WWOX: variants seen among roughly 807,000 people sequenced by gnomAD.
WWOX encodes WW domain-containing oxidoreductase.
In WWOX, 69 loss-of-function variants were observed where a neutral mutation model predicts 46.2. The ratio of observed to expected loss-of-function variants is 1.49; its 90% CI spans 1.23 to 1.82. The LOEUF is 1.82. Among genes scored for constraint, WWOX ranks in the 40% most tolerant of loss-of-function variants. The pLI is 0.00. For synonymous variants in WWOX, 359 were observed against 202.6 expected (o/e 1.77, Z -6.56); for missense variants, 919 against 542.6 (o/e 1.69, Z -6.89).
intron 8 of WWOX, among the ~76,000 whole-genome samples, chr16:79,010,037 A>G (rs922478368): frequency 2.0e-5 from 3 of 152,204 alleles, no homozygotes; most frequent in African/African-American, 7.2e-5. Context: ...GAGTATGCCT[A>G]GAATTGAGCA....
rs2079377851 is a variant in WWOX, at chr16:78,266,893, T to A, written c.516+102604T>A. ...CTGTGTCCCCATCCAAATCTCAACTTGAATTGCATCTCCCAGAATTCCCAT... is the reference window on the plus strand; with the variant it reads ...CTGTGTCCCCATCCAAATCTCAACTAGAATTGCATCTCCCAGAATTCCCAT... On this transcript the variant is annotated intron_variant, in intron 5 of 8. Coordinates refer to ENST00000566780, the MANE Select transcript of WWOX (RefSeq NM_016373.4). 3.3e-5 allele frequency among the ~76,000 whole-genome samples: 5 copies of A among 150,146 alleles called. No homozygotes were observed. In the South Asian group the frequency reaches 1.1e-3, roughly 33 times the overall value.
chr16:79,073,677 C>T (rs1023008079), intron 8 of WWOX, among the ~76,000 whole-genome samples: 3 of 152,120 alleles, frequency 2.0e-5, no homozygotes, highest in African/African-American at 7.2e-5. Context: ...GACTATATTT[C>T]CCTGCTTGCC....
At chr16:78,211,818 G>A (rs2036568953) in intron 5 of WWOX, among the ~76,000 whole-genome samples, 1 of 152,194 alleles carries the variant, frequency 6.6e-6, no homozygotes, top group African/African-American at 2.4e-5. Context: ...TGCATGAAGG[G>A]AGGAAGGTTG....
At chr16:79,017,153 G>T (rs1157077593) in intron 8 of WWOX, 1 of 152,112 alleles carries the variant, frequency 6.6e-6, no homozygotes, top group Non-Finnish European at 1.5e-5. Context: ...GTAGGCTGCC[G>T]GGCGCAGTGG....
intron 4 of WWOX, among the ~76,000 whole-genome samples, chr16:78,153,890 C>T (rs1202463490): frequency 6.6e-6 from 1 of 152,104 alleles, no homozygotes; most frequent in African/African-American, 2.4e-5. Flanking sequence ...AAAGAAGCTG[C>T]CTTTTTCTTA....
intron 8 of WWOX, among the ~76,000 whole-genome samples, chr16:79,192,150 T>C (rs1371170895): frequency 6.6e-6 from 1 of 152,228 alleles, no homozygotes; most frequent in African/African-American, 2.4e-5. Context: ...GGAGCTCTGC[T>C]CTCAGGACCA....
At position 78,758,025 on chromosome 16, in the gene WWOX, A is replaced by G. The variant is rs369102701; in HGVS notation, c.1056+325273A>G. 4.6e-5 allele frequency among the ~76,000 whole-genome samples: 7 copies of G among 152,218 alleles called. No homozygotes were observed. In the East Asian group the frequency reaches 9.7e-4, roughly 21 times the overall value. On this transcript the variant is annotated intron_variant, in intron 8 of 8. Coordinates refer to ENST00000566780, the MANE Select transcript of WWOX (RefSeq NM_016373.4). ...GATGCTCTTTTTCAAACTTCTGTCA[A>G]TCTTTCCCCACCTTCACAATGTGCC...
At chr16:78,977,621 T>G (rs116241733) in intron 8 of WWOX, among the ~76,000 whole-genome samples, 1 of 152,140 alleles carries the variant, frequency 6.6e-6, no homozygotes, top group South Asian at 2.1e-4. Context: ...GGAGAGGAGA[T>G]AGAAGAAGGA....
intron 8 of WWOX, among the ~76,000 whole-genome samples, chr16:79,041,634 G>A (rs1479689562): frequency 6.6e-6 from 1 of 152,132 alleles, no homozygotes; most frequent in Non-Finnish European, 1.5e-5. Flanking sequence ...GGGGTCAGTA[G>A]CAGGCCACCA....
At chr16:79,182,540 G>A (rs1038035148) in intron 8 of WWOX, among the ~76,000 whole-genome samples, 2 of 151,970 alleles carry the variant, frequency 1.3e-5, no homozygotes, top group African/African-American at 4.8e-5. Flanking sequence ...TAATTAGCGG[G>A]GCCTGTTATA....
intron 2 of WWOX, 61 bp from the exon 3 acceptor site, chr16:78,109,717 G>T: frequency 6.3e-7 from 1 of 1,592,448 alleles, no homozygotes; most frequent in Non-Finnish European, 8.6e-7. Flanking sequence ...TTCCCTTCCT[G>T]ACCCAGGGAT....
At chr16:78,471,643 T>C (rs921929140) in intron 8 of WWOX, among the ~76,000 whole-genome samples, 3 of 152,208 alleles carry the variant, frequency 2.0e-5, no homozygotes, top group Non-Finnish European at 4.4e-5. Context: ...GACACATTTA[T>C]ATTAGGGTAA....
intron 8 of WWOX, among the ~76,000 whole-genome samples, chr16:78,996,658 A>G (rs368692796): frequency 1.3e-5 from 2 of 152,082 alleles, no homozygotes; most frequent in Non-Finnish European, 2.9e-5. Context: ...TGTGCTCTAC[A>G]TCCCCCCAAA....
intron 5 of WWOX, among the ~76,000 whole-genome samples, chr16:78,174,059 C>T (rs1446933461): frequency 6.6e-6 from 1 of 152,152 alleles, no homozygotes; most frequent in African/African-American, 2.4e-5. Flanking sequence ...CTGAAAGGCC[C>T]TGTCTCCAAC....
intron 8 of WWOX, among the ~76,000 whole-genome samples, chr16:78,845,825 C>T (rs1356979474): frequency 6.6e-6 from 1 of 152,226 alleles, no homozygotes; most frequent in East Asian, 1.9e-4. Context: ...GCACTTAAGA[C>T]ATGGAGCTGA....
At chr16:78,163,220 A>G (rs1291000206) in intron 4 of WWOX, among the ~76,000 whole-genome samples, 1 of 152,140 alleles carries the variant, frequency 6.6e-6, no homozygotes, top group African/African-American at 2.4e-5. Flanking sequence ...AGATAATGGT[A>G]TCTTCCTCCA....
chr16:79,087,380 G>T (rs1489189668), intron 8 of WWOX, among the ~76,000 whole-genome samples: 4 of 152,190 alleles, frequency 2.6e-5, no homozygotes, highest in African/African-American at 9.7e-5. Context: ...ACATATCAAA[G>T]AATGCTTATC....
chr16:78,937,710 C>A (rs1005775762), intron 8 of WWOX, among the ~76,000 whole-genome samples: 1 of 151,796 alleles, frequency 6.6e-6, no homozygotes, highest in Admixed American at 6.6e-5. Context: ...CTGCAACCTC[C>A]GCCTCCTGGG....
chr16:79,030,908 C>A lies in WWOX; in HGVS notation c.1057-180700C>A, dbSNP rs113289551. On this transcript the variant is annotated intron_variant, in intron 8 of 8. Transcript: ENST00000566780. ...GACCAGCTTAGGGAACATAGTGAGA[C>A]CCCTGTCTCTACAAAAAGTAAAAAA... 3.1e-4 allele frequency among the ~76,000 whole-genome samples: 47 copies of A among 151,974 alleles called. 1 individual carries two copies. The highest frequency in any genetic ancestry group is 1.1e-3 in the African/African-American group (47 of 41,474).
Sources: allele counts gnomAD v4.1 joint callset (sites outside exome capture counted in the v4.1 genomes callset), GRCh38; gene constraint gnomAD v4.1.1; transcripts MANE v1.5; gene names NCBI Gene and HGNC (gene_info 2026-07-23, HGNC 2026-07-21).